Variants in HCN1 observed in about 807,000 individuals in gnomAD.
HCN1 encodes the protein potassium/sodium hyperpolarization-activated cyclic nucleotide-gated channel 1.
HCN1 carries 13 observed loss-of-function variants against 78.9 expected under a neutral mutation model. The ratio of observed to expected loss-of-function variants is 0.16; its 90% CI spans 0.11 to 0.26. HCN1 has a LOEUF of 0.26. HCN1 is among the 10% of genes least tolerant of loss of function. The probability of loss-of-function intolerance (pLI) is 1.00; values close to 1 mark genes in which losing one functional copy is unlikely to be tolerated. For synonymous variants in HCN1, 552 were observed against 455.5 expected (o/e 1.21, Z -2.70); for missense variants, 810 against 1,154.3 (o/e 0.70, Z 4.32).
chr5:45,441,686 C>A lies in HCN1; in HGVS notation c.1011+20160G>T, dbSNP rs575671931. ...AGAAATTAAAATAATTAAGAAAAAT[C>A]TTCTTTAAATGAAATATTTGGAATA... On this transcript the variant is annotated intron_variant, in intron 3 of 7. Transcript: ENST00000303230. Among the ~76,000 whole-genome samples, 262 of 152,230 alleles carry A rather than the reference C, an allele frequency of 1.7e-3. 1 individual carries two copies. The highest frequency in any genetic ancestry group is 6.1e-3 in the African/African-American group (253 of 41,556).
At chr5:45,591,541 C>G (rs1744365411) in intron 2 of HCN1, among the ~76,000 whole-genome samples, 1 of 152,126 alleles carries the variant, frequency 6.6e-6, no homozygotes. Context: ...GCATCTTTTT[C>G]ATATGCTTAT....
intron 2 of HCN1, among the ~76,000 whole-genome samples, chr5:45,477,726 A>G (rs1029909557): frequency 1.3e-5 from 2 of 152,146 alleles, no homozygotes; most frequent in African/African-American, 4.8e-5. Context: ...TAAGGAAAAC[A>G]CTAACACCCA....
intron 2 of HCN1, among the ~76,000 whole-genome samples, chr5:45,524,268 G>A (rs1742679978): frequency 6.6e-6 from 1 of 152,158 alleles, no homozygotes; most frequent in African/African-American, 2.4e-5. Context: ...CTGTAGCCTT[G>A]TAGTATAGTT....
chr5:45,362,690 G>T (rs1001540656), intron 4 of HCN1, among the ~76,000 whole-genome samples: 1 of 152,052 alleles, frequency 6.6e-6, no homozygotes, highest in African/African-American at 2.4e-5. Context: ...TCATTTTACA[G>T]ATAATGAAAT....
In HCN1 at chr5:45,262,200, G is replaced by T. The variant is rs958111537; in HGVS notation, c.2394C>A (p.Ser798=). Residue 798 remains serine, a synonymous_variant, in exon 8 of 8, where the codon TCC becomes TCA. Transcript: ENST00000303230. ...ASQPSLPHEV[S]TLISRPHPTV... ...TGGGATGAGGTCTGGAAATCAGAGT[G>T]GACACCTCATGGGGCAGCGAGGGCT... The T allele has an allele frequency of 1.2e-6, 2 of 1,614,032 alleles. No individual in the cohort carries two copies. Among genetic ancestry groups the T allele is most frequent in the South Asian group, 1.1e-5 (1 of 91,090 alleles).
intron 1 of HCN1, among the ~76,000 whole-genome samples, chr5:45,683,007 T>C (rs1220577840): frequency 1.3e-5 from 2 of 152,108 alleles, no homozygotes. Context: ...AAGGTTAGAA[T>C]AATTTACAGT....
chr5:45,574,295 C>T lies in HCN1; in HGVS notation c.849+70890G>A, dbSNP rs141576843. ...GCTCACATGACACTTTCAGGTGTCACATTTTGGTAATATTCATAATATTTC... is the reference window on the plus strand; with the variant it reads ...GCTCACATGACACTTTCAGGTGTCATATTTTGGTAATATTCATAATATTTC... On this transcript the variant is annotated intron_variant, in intron 2 of 7. Coordinates refer to ENST00000303230, the MANE Select transcript of HCN1 (RefSeq NM_021072.4). 2.1e-3 allele frequency among the ~76,000 whole-genome samples: 315 copies of T among 152,188 alleles called. 2 individuals are homozygous for T. Among genetic ancestry groups the T allele is most frequent in the African/African-American group, 6.8e-3 (283 of 41,540 alleles).
chr5:45,393,829 T>C (rs1739634097), intron 4 of HCN1, among the ~76,000 whole-genome samples: 2 of 152,194 alleles, frequency 1.3e-5, no homozygotes, highest in Non-Finnish European at 2.9e-5. Context: ...ATCTGAGAGT[T>C]ATCAGAATAT....
chr5:45,539,141 C>T (rs1324051355), intron 2 of HCN1, among the ~76,000 whole-genome samples: 1 of 152,158 alleles, frequency 6.6e-6, no homozygotes, highest in Non-Finnish European at 1.5e-5. Context: ...TGAATATCTG[C>T]ATCTGTCAAA....
At chr5:45,489,462 G>T (rs1741835695) in intron 2 of HCN1, among the ~76,000 whole-genome samples, 1 of 152,104 alleles carries the variant, frequency 6.6e-6, no homozygotes, top group African/African-American at 2.4e-5. Flanking sequence ...TTAATAAGAA[G>T]CTTGAAAAGT....
At chr5:45,289,947 G>A (rs546619870) in intron 6 of HCN1, among the ~76,000 whole-genome samples, 1 of 151,918 alleles carries the variant, frequency 6.6e-6, no homozygotes, top group Admixed American at 6.6e-5. Context: ...TGTTTATATT[G>A]GGGCATGATA....
intron 3 of HCN1, among the ~76,000 whole-genome samples, chr5:45,413,245 C>T (rs1740058003): frequency 6.6e-6 from 1 of 151,916 alleles, no homozygotes; most frequent in Non-Finnish European, 1.5e-5. Flanking sequence ...ATGTGAGATC[C>T]AAGCAAAGGA....
chr5:45,694,652 A>C lies in HCN1; in HGVS notation c.425+1017T>G, dbSNP rs555371665. ...TAAATAAATATCACCCTGAGTTATTAGGAGTTACTAGTTCTGGATTTTAAA... is the reference window on the plus strand; with the variant it reads ...TAAATAAATATCACCCTGAGTTATTCGGAGTTACTAGTTCTGGATTTTAAA... On this transcript the variant is annotated intron_variant, in intron 1 of 7. Transcript: ENST00000303230. 2.0e-5 allele frequency among the ~76,000 whole-genome samples: 3 copies of C among 152,314 alleles called. No homozygotes were observed. In the South Asian group the frequency reaches 6.2e-4, roughly 32 times the overall value.
intron 4 of HCN1, among the ~76,000 whole-genome samples, chr5:45,384,384 T>A (rs977991074): frequency 6.6e-6 from 1 of 152,142 alleles, no homozygotes. Context: ...TATTTCAAAG[T>A]TCATACTATT....
chr5:45,672,601 GAA>G (rs1746173057), intron 1 of HCN1, among the ~76,000 whole-genome samples: 1 of 150,040 alleles, frequency 6.7e-6, no homozygotes, highest in Non-Finnish European at 1.5e-5. Context: ...GATTTTGCCT[GAA>G]AAGACTTGCT....
chr5:45,346,873 G>C (rs1300500342), intron 5 of HCN1, among the ~76,000 whole-genome samples: 1 of 152,216 alleles, frequency 6.6e-6, no homozygotes, highest in Non-Finnish European at 1.5e-5. Context: ...AGCTTGAACT[G>C]GGTGGAGCCC....
At chr5:45,342,587 A>G (rs959103623) in intron 5 of HCN1, among the ~76,000 whole-genome samples, 2 of 152,120 alleles carry the variant, frequency 1.3e-5, no homozygotes, top group African/African-American at 2.4e-5. Flanking sequence ...GTATATTTCC[A>G]AAAGCAAAAA....
At chr5:45,598,615 T>C (rs764413698) in intron 2 of HCN1, among the ~76,000 whole-genome samples, 1 of 152,102 alleles carries the variant, frequency 6.6e-6, no homozygotes, top group Non-Finnish European at 1.5e-5. Flanking sequence ...GAGATTACCA[T>C]CACAGTGAAC....
At chr5:45,509,785 T>C (rs1742374987) in intron 2 of HCN1, among the ~76,000 whole-genome samples, 1 of 152,120 alleles carries the variant, frequency 6.6e-6, no homozygotes, top group Non-Finnish European at 1.5e-5. Flanking sequence ...CTAAAGAATA[T>C]CATTGAAATA....
Sources: gnomAD v4.1 joint callset for allele counts (sites outside exome capture counted in the v4.1 genomes callset) on GRCh38, gnomAD v4.1.1 for gene constraint, MANE v1.5 for transcripts, NCBI Gene and HGNC (gene_info 2026-07-23, HGNC 2026-07-21) for gene names.